RAB3IP: variants seen among roughly 807,000 people sequenced by gnomAD.
The protein encoded by RAB3IP is RAB3A interacting protein.
A neutral mutation model predicts 59.1 loss-of-function variants in RAB3IP; 36 were observed. That is an observed-to-expected ratio of 0.61 (90% confidence interval 0.47 to 0.80). RAB3IP has a LOEUF of 0.80. RAB3IP is among the 30% of genes least tolerant of loss of function. RAB3IP has a pLI of 0.00. For synonymous variants in RAB3IP, 207 were observed against 191.2 expected (o/e 1.08, Z -0.68); for missense variants, 511 against 536.0 (o/e 0.95, Z 0.46).
At chr12:69,809,482 T>C (rs1880042771) in intron 8 of RAB3IP, among the ~76,000 whole-genome samples, 1 of 152,242 alleles carries the variant, frequency 6.6e-6, no homozygotes, top group African/African-American at 2.4e-5. Flanking sequence ...CTGGATAATA[T>C]CCTGCAGAGT....
At chr12:69,810,689 G>T (rs1367758853) in intron 8 of RAB3IP, among the ~76,000 whole-genome samples, 2 of 152,092 alleles carry the variant, frequency 1.3e-5, no homozygotes, top group African/African-American at 4.8e-5. Context: ...GTTAGATTGG[G>T]GTGGGGGGAT....
At chr12:69,807,728 CG>C (rs896155791) in intron 8 of RAB3IP, among the ~76,000 whole-genome samples, 1 of 140,934 alleles carries the variant, frequency 7.1e-6, no homozygotes, top group Non-Finnish European at 1.5e-5. Flanking sequence ...ATGGGGCGGC[CG>C]GGCAGAGGTG....
rs748534631 is a variant in RAB3IP at position 69,755,423 on chromosome 12, C to T, written c.15C>T (p.Pro5=). The change falls in exon 2 of 11, where the codon CCC becomes CCT. Residue 5 remains proline, a synonymous_variant. Coordinates refer to ENST00000247833, the MANE Select transcript of RAB3IP (RefSeq NM_022456.5). MAND[P]LEGFHEVNLA... is the part of the protein sequence containing the mutation. The stretch of plus-strand genomic sequence containing the variant: ...AGGCTTTTGCTATGGCTAATGATCC[C>T]TTGGAAGGCTTCCATGAAGTAAACC... 5 of 1,613,900 alleles carry T rather than the reference C, an allele frequency of 3.1e-6. No homozygotes were observed. In the African/African-American group the frequency reaches 5.3e-5, roughly 17 times the overall value.
At chr12:69,786,783 GAAA>G (rs1875726524) in intron 4 of RAB3IP, among the ~76,000 whole-genome samples, 3 of 107,114 alleles carry the variant, frequency 2.8e-5, no homozygotes, top group African/African-American at 1.0e-4. Flanking sequence ...TGAAGGGCCA[GAAA>G]TGCAGCTTAG....
At chr12:69,808,872 T>A (rs1157871836) in intron 8 of RAB3IP, among the ~76,000 whole-genome samples, 2 of 152,166 alleles carry the variant, frequency 1.3e-5, no homozygotes, top group African/African-American at 4.8e-5. Context: ...GTCTGTGTCT[T>A]TTAATTGGAG....
chr12:69,772,965 T>C (rs1478504230), intron 3 of RAB3IP, among the ~76,000 whole-genome samples: 3 of 152,186 alleles, frequency 2.0e-5, no homozygotes, highest in Non-Finnish European at 4.4e-5. Flanking sequence ...CTTTAGCATT[T>C]CTTGTAAGAT....
upstream of RAB3IP, chr12:69,738,625 A>T (rs1215684411): frequency 7.0e-6 from 1 of 142,782 alleles, no homozygotes; most frequent in Non-Finnish European, 1.6e-5. Flanking sequence ...CCGACGAAAC[A>T]GAGCGCAGCT....
At chr12:69,798,849 A>G (rs1877935877) in intron 6 of RAB3IP, among the ~76,000 whole-genome samples, 1 of 152,212 alleles carries the variant, frequency 6.6e-6, no homozygotes, top group South Asian at 2.1e-4. Context: ...ATATAAATCA[A>G]TATATGTTGG....
chr12:69,794,145 T>C (rs755874960), intron 4 of RAB3IP, among the ~76,000 whole-genome samples: 7 of 152,218 alleles, frequency 4.6e-5, no homozygotes, highest in Non-Finnish European at 8.8e-5. Flanking sequence ...CTTTGACACA[T>C]TGGTCATTGT....
Position 69,822,777 on chromosome 12 carries a change from AC to A in RAB3IP, c.*7335del, listed in dbSNP as rs1881897492. The A allele has an allele frequency of 6.6e-6, 1 of 152,128 alleles. No individual in the cohort carries two copies. The highest frequency in any genetic ancestry group is 1.5e-5 in the Non-Finnish European group (1 of 68,020). The allele number at this position is 152,128 out of a possible 1,614,324, so 9.4% of individuals were successfully genotyped here. On this transcript the variant is annotated 3_prime_UTR_variant, in exon 11 of 11. Transcript: ENST00000247833. ...ATGTTTGTATCAAAATATCATATGT[AC>A]CCCATAAATATGTACAACTATTATG...
At chr12:69,779,257 CT>C (rs1425167568) in intron 3 of RAB3IP, 3 of 142,544 alleles carry the variant, frequency 2.1e-5, no homozygotes, top group Non-Finnish European at 4.6e-5. Flanking sequence ...GAGGCAATGC[CT>C]CGCCCTGCTT....
At position 69,775,409 on chromosome 12, in the gene RAB3IP, T is replaced by C. The variant is rs1218892797; in HGVS notation, c.511-9311T>C. ...CCTAATTGAATACCCTTTATTTCCT[T>C]CTTCTGCCTGATTGCCCTGGCCAGA... is the stretch of plus-strand genomic sequence containing the variant. On this transcript the variant is annotated intron_variant, in intron 3 of 10. Coordinates refer to ENST00000247833, the MANE Select transcript of RAB3IP (RefSeq NM_022456.5). 3.9e-4 allele frequency among the ~76,000 whole-genome samples: 54 copies of C among 139,868 alleles called. 1 individual carries two copies. The highest frequency in any genetic ancestry group is 1.4e-3 in the African/African-American group (52 of 37,096). The allele number at this position is 139,868 out of a possible 152,430, so 91.8% of individuals were successfully genotyped here.
intron 3 of RAB3IP, among the ~76,000 whole-genome samples, chr12:69,767,456 G>T (rs2136163283): frequency 6.6e-6 from 1 of 152,360 alleles, no homozygotes. Context: ...GAACGACTGG[G>T]CAAATCTGCC....
At chr12:69,779,610 C>T (rs1314544692) in intron 3 of RAB3IP, among the ~76,000 whole-genome samples, 2 of 149,596 alleles carry the variant, frequency 1.3e-5, no homozygotes, top group Admixed American at 1.3e-4. Context: ...CTCATCGTTT[C>T]TTCGCTTGGT....
At chr12:69,747,399 C>G (rs1056607193) in intron 1 of RAB3IP, among the ~76,000 whole-genome samples, 2 of 151,724 alleles carry the variant, frequency 1.3e-5, no homozygotes, top group Non-Finnish European at 2.9e-5. Context: ...AATCACAGTT[C>G]GCTATAGCCT....
At chr12:69,798,355 A>G (rs994430304) in intron 6 of RAB3IP, among the ~76,000 whole-genome samples, 3 of 149,052 alleles carry the variant, frequency 2.0e-5, no homozygotes, top group Admixed American at 6.8e-5. Flanking sequence ...TCCTTCGCCC[A>G]CTTTTTGATG....
Position 69,812,726 on chromosome 12 carries a change from A to AG in RAB3IP, c.1131-48dup. The AG allele has an allele frequency of 2.5e-6, 3 of 1,207,372 alleles. No individual in the cohort carries two copies. The South Asian group carries it at 4.1e-5, about 16-fold the overall frequency. The allele number at this position is 1,207,372 out of a possible 1,614,324, so 74.8% of individuals were successfully genotyped here. ...TGAATAGGCAACTTGTACAGAAGGTAGGGGCAAATGCTTTTCATTTCAAAA... is the reference window on the plus strand; with the variant it reads ...TGAATAGGCAACTTGTACAGAAGGTAGGGGGCAAATGCTTTTCATTTCAAAA... On this transcript the variant is annotated intron_variant, in intron 8 of 10. Coordinates refer to ENST00000247833, the MANE Select transcript of RAB3IP (RefSeq NM_022456.5).
intron 4 of RAB3IP, among the ~76,000 whole-genome samples, chr12:69,788,213 TA>T (rs1026733140): frequency 2.6e-5 from 4 of 152,130 alleles, no homozygotes; most frequent in Admixed American, 1.3e-4. Flanking sequence ...TTTAAATCAT[TA>T]TTTTGTCATT....
At chr12:69,810,741 T>C (rs1565932585) in intron 8 of RAB3IP, among the ~76,000 whole-genome samples, 1 of 152,146 alleles carries the variant, frequency 6.6e-6, no homozygotes, top group East Asian at 1.9e-4. Context: ...ACTGGAAGAC[T>C]GATTTGAAGT....
Sources: allele counts gnomAD v4.1 joint callset (sites outside exome capture counted in the v4.1 genomes callset), GRCh38; gene constraint gnomAD v4.1.1; transcripts MANE v1.5; gene names NCBI Gene and HGNC (gene_info 2026-07-23, HGNC 2026-07-21).